GALNT17: variants seen among roughly 807,000 people sequenced by gnomAD.
GALNT17 encodes the protein polypeptide N-acetylgalactosaminyltransferase 17.
In GALNT17, 29 loss-of-function variants were observed where a neutral mutation model predicts 63.7. The observed-to-expected ratio is 0.46, with a 90% CI of 0.34 to 0.62. The LOEUF (loss-of-function observed/expected upper bound fraction) is 0.62, where lower values mean the gene tolerates loss of function less well. Among genes scored for constraint, GALNT17 ranks in the 20% least tolerant of loss-of-function variants. GALNT17 has a pLI of 0.01. For synonymous variants in GALNT17, 305 were observed against 318.3 expected (o/e 0.96, Z 0.45); for missense variants, 603 against 799.6 (o/e 0.75, Z 2.97).
At position 71,208,479 on chromosome 7, in the gene GALNT17, C is replaced by A. The variant is rs937683898; in HGVS notation, c.238+75439C>A. On this transcript the variant is annotated intron_variant, in intron 1 of 10. Transcript: ENST00000333538. Reference sequence around the variant, plus strand: ...TTTTTTTTTTTTTTTGAGATAGGATCTCTCTCTGTTGCCCAGGCTGGTGTG... The same window carrying A: ...TTTTTTTTTTTTTTTGAGATAGGATATCTCTCTGTTGCCCAGGCTGGTGTG... Among the ~76,000 whole-genome samples, 5 of 121,376 alleles carry A rather than the reference C, an allele frequency of 4.1e-5. No homozygotes were observed. In the East Asian group the frequency reaches 1.0e-3, roughly 25 times the overall value. The allele number at this position is 121,376 out of a possible 152,430, so 79.6% of individuals were successfully genotyped here.
chr7:71,290,511 C>T (rs1287549130), intron 1 of GALNT17, among the ~76,000 whole-genome samples: 1 of 152,110 alleles, frequency 6.6e-6, no homozygotes, highest in Non-Finnish European at 1.5e-5. Context: ...GGGGAGGCTA[C>T]CCTGCTTTCT....
At chr7:71,530,780 G>A (rs1475562540) in intron 5 of GALNT17, among the ~76,000 whole-genome samples, 1 of 151,932 alleles carries the variant, frequency 6.6e-6, no homozygotes, top group Non-Finnish European at 1.5e-5. Context: ...GTGTTAGCCA[G>A]GATGGTCTCG....
intron 2 of GALNT17, among the ~76,000 whole-genome samples, chr7:71,345,749 A>G (rs73358169): frequency 0.089 from 13,551 of 152,134 alleles, 1,795 homozygotes; most frequent in African/African-American, 0.29. Flanking sequence ...ACCCAACTCA[A>G]GTTTCCCTCC....
chr7:71,148,217 G>A (rs1477780625), intron 1 of GALNT17, among the ~76,000 whole-genome samples: 3 of 152,200 alleles, frequency 2.0e-5, no homozygotes, highest in African/African-American at 7.2e-5. Flanking sequence ...AGTAGTGGTA[G>A]CTAGCACTGT....
chr7:71,269,602 A>G (rs1255070594), intron 1 of GALNT17, among the ~76,000 whole-genome samples: 4 of 152,172 alleles, frequency 2.6e-5, no homozygotes, highest in Non-Finnish European at 4.4e-5. Context: ...ATCTGTCTGC[A>G]GAGGTCCTCG....
At chr7:71,548,690 A>G (rs1037469771) in intron 5 of GALNT17, among the ~76,000 whole-genome samples, 2 of 152,220 alleles carry the variant, frequency 1.3e-5, no homozygotes, top group South Asian at 4.1e-4. Context: ...CTGTGAGTCC[A>G]TTAAACCTCT....
intron 6 of GALNT17, among the ~76,000 whole-genome samples, chr7:71,632,084 G>C (rs545018863): frequency 4.9e-5 from 7 of 143,640 alleles, no homozygotes; most frequent in African/African-American, 1.8e-4. Flanking sequence ...AAGATGTTTA[G>C]TCTAAAAAAA....
chr7:71,293,603 A>G (rs1791023366), intron 1 of GALNT17, among the ~76,000 whole-genome samples: 1 of 152,122 alleles, frequency 6.6e-6, no homozygotes, highest in Non-Finnish European at 1.5e-5. Context: ...CCCTTATTAG[A>G]TAAACATTTC....
intron 1 of GALNT17, among the ~76,000 whole-genome samples, chr7:71,325,517 T>G (rs565022101): frequency 2.0e-5 from 3 of 152,306 alleles, no homozygotes; most frequent in Admixed American, 6.5e-5. Flanking sequence ...CATCTCTATT[T>G]CTAAAAGAAT....
chr7:71,445,531 T>A (rs930795598), intron 5 of GALNT17, among the ~76,000 whole-genome samples: 4 of 151,436 alleles, frequency 2.6e-5, no homozygotes, highest in African/African-American at 9.7e-5. Flanking sequence ...TGAGGAAGGT[T>A]CATTCAGGTT....
At chr7:71,484,988 T>C (rs972409180) in intron 5 of GALNT17, among the ~76,000 whole-genome samples, 1 of 108,008 alleles carries the variant, frequency 9.3e-6, no homozygotes, top group Non-Finnish European at 2.0e-5. Context: ...TTTTTTTTTT[T>C]AGTAGAGGCA....
intron 2 of GALNT17, among the ~76,000 whole-genome samples, chr7:71,377,114 AATATATATAT>A (rs1554362119): frequency 0.11 from 6,430 of 57,318 alleles, 712 homozygotes; most frequent in Middle Eastern, 0.26. Context: ...AAATAAAAAA[AATATATATAT>A]ATATATATAT....
intron 1 of GALNT17, among the ~76,000 whole-genome samples, chr7:71,300,117 A>G (rs973372249): frequency 1.3e-5 from 2 of 152,168 alleles, no homozygotes; most frequent in South Asian, 4.1e-4. Context: ...CGGCCTCTCA[A>G]AGCCTGCCTC....
chr7:71,521,354 C>G (rs906802127), intron 5 of GALNT17, among the ~76,000 whole-genome samples: 3 of 152,164 alleles, frequency 2.0e-5, no homozygotes, highest in African/African-American at 7.2e-5. Flanking sequence ...TAAAGGCCAC[C>G]TTACCTTTGA....
chr7:71,199,683 ATCCATC>A (rs1218195034), intron 1 of GALNT17, among the ~76,000 whole-genome samples: 1 of 120,316 alleles, frequency 8.3e-6, no homozygotes, highest in African/African-American at 3.3e-5. Flanking sequence ...CCATCCATCC[ATCCATC>A]CATCCATCCA....
At chr7:71,348,413 C>T (rs1252480923) in intron 2 of GALNT17, among the ~76,000 whole-genome samples, 4 of 152,296 alleles carry the variant, frequency 2.6e-5, no homozygotes, top group South Asian at 2.1e-4. Flanking sequence ...ACCTGAAATG[C>T]GTTTAAAACA....
chr7:71,516,766 C>T (rs541597677), intron 5 of GALNT17, among the ~76,000 whole-genome samples: 2 of 152,300 alleles, frequency 1.3e-5, no homozygotes, highest in East Asian at 3.9e-4. Context: ...CCCCATTCTG[C>T]CCATGCTCCC....
At chr7:71,438,708 A>G (rs951623555) in intron 5 of GALNT17, among the ~76,000 whole-genome samples, 2 of 152,182 alleles carry the variant, frequency 1.3e-5, no homozygotes, top group East Asian at 1.9e-4. Context: ...TATCAATATT[A>G]TTAGAGCAAT....
chr7:71,543,623 G>T (rs1403053427), intron 5 of GALNT17, among the ~76,000 whole-genome samples: 2 of 151,878 alleles, frequency 1.3e-5, no homozygotes, highest in African/African-American at 4.8e-5. Context: ...GCAAAATCCT[G>T]TTGGCCATAT....
Sources: allele counts gnomAD v4.1 joint callset (sites outside exome capture counted in the v4.1 genomes callset), GRCh38; gene constraint gnomAD v4.1.1; transcripts MANE v1.5; gene names NCBI Gene and HGNC (gene_info 2026-07-23, HGNC 2026-07-21).